The following SFRP2 variants were observed in gnomAD, a reference collection of about 807,000 sequenced individuals.
SFRP2 encodes secreted frizzled related protein 2.
Under a neutral mutation model 26.0 loss-of-function variants are expected in SFRP2, and 16 were observed. The ratio of observed to expected loss-of-function variants is 0.61; its 90% CI spans 0.42 to 0.93. The LOEUF is 0.93. Ranked by LOEUF, SFRP2 falls within the 40% of genes least tolerant of loss-of-function variation. SFRP2 has a pLI of 0.00. For synonymous variants in SFRP2, 173 were observed against 167.3 expected, an observed-to-expected ratio of 1.03 and a Z score of -0.26; for missense variants, 343 against 392.4, an observed-to-expected ratio of 0.87 and a Z score of 1.06.
At chr4:153,783,375 C>A (rs566358859) in intron 2 of SFRP2, among the ~76,000 whole-genome samples, 46 of 152,328 alleles carry the variant, frequency 3.0e-4, no homozygotes, top group African/African-American at 1.0e-3. Flanking sequence ...AAAACCATCA[C>A]TTTTAACCAG....
chr4:153,785,468 TG>T (rs1741187147), intron 2 of SFRP2, among the ~76,000 whole-genome samples: 1 of 140,150 alleles, frequency 7.1e-6, no homozygotes, highest in African/African-American at 2.6e-5. Context: ...TGAATCTGTT[TG>T]GCTGGGGCTA....
chr4:153,785,189 T>G (rs1159573224), intron 2 of SFRP2, among the ~76,000 whole-genome samples: 1 of 152,132 alleles, frequency 6.6e-6, no homozygotes, highest in African/African-American at 2.4e-5. Flanking sequence ...TTTTCGAAAC[T>G]GTGGCAAATG....
At chr4:153,787,253 A>T (rs2127184180) in intron 1 of SFRP2, among the ~76,000 whole-genome samples, 1 of 152,376 alleles carries the variant, frequency 6.6e-6, no homozygotes, top group Non-Finnish European at 1.5e-5. Flanking sequence ...TCTATGGTAC[A>T]TGTTGGACAA....
chr4:153,781,828 A>G, intron 2 of SFRP2, 73 bp from the exon 3 acceptor site: 1 of 1,318,876 alleles, frequency 7.6e-7, no homozygotes. Context: ...CATTCTGCCA[A>G]CTCGTGTGAC....
intron 2 of SFRP2, among the ~76,000 whole-genome samples, chr4:153,783,303 G>T (rs1741151618): frequency 6.6e-6 from 1 of 152,170 alleles, no homozygotes; most frequent in African/African-American, 2.4e-5. Context: ...TGTAGTACAG[G>T]TAGGGCATAT....
rs1327767525 is a variant in SFRP2, at chr4:153,788,946, C to T, written c.-111G>A. 3.8e-6 allele frequency: 5 copies of T among 1,316,754 alleles called. No homozygotes were observed. Among genetic ancestry groups the T allele is most frequent in the African/African-American group, 1.5e-5 (1 of 64,736 alleles). 81.6% of individuals were successfully genotyped at this position (1,316,754 alleles called of 1,614,324 possible). A position where few individuals can be genotyped will look rare whatever the true frequency, so the allele number is the denominator to read the frequency against. ...TCTCTTCGCTGGGTGCGACTCGGGGCCCCGAAAAGCTGGCAGCCGGCGGCT... is the reference window on the plus strand; with the variant it reads ...TCTCTTCGCTGGGTGCGACTCGGGGTCCCGAAAAGCTGGCAGCCGGCGGCT... On this transcript the variant is annotated 5_prime_UTR_variant, in exon 1 of 3. Transcript: ENST00000274063.
rs1433759732 is a variant in SFRP2 at position 153,788,975 on chromosome 4, G to T, written c.-140C>A. On this transcript the variant is annotated 5_prime_UTR_variant, in exon 1 of 3. Transcript: ENST00000274063. Reference sequence around the variant, plus strand: ...GAAAAGCTGGCAGCCGGCGGCTGGGGCGCGGAGAAGCGGGACACCGGGAGG... The same window carrying T: ...GAAAAGCTGGCAGCCGGCGGCTGGGTCGCGGAGAAGCGGGACACCGGGAGG... The T allele has an allele frequency of 3.7e-6, 4 of 1,067,498 alleles. No homozygotes were observed. In the African/African-American group the frequency reaches 5.0e-5, roughly 13 times the overall value. The allele number at this position is 1,067,498 out of a possible 1,614,324, so 66.1% of individuals were successfully genotyped here. A position where few individuals can be genotyped will look rare whatever the true frequency, so the allele number is the denominator to read the frequency against.
intron 2 of SFRP2, 128 bp from the exon 3 acceptor site, chr4:153,781,883 C>T: frequency 1.3e-6 from 1 of 789,042 alleles, no homozygotes; most frequent in South Asian, 1.7e-5. Context: ...CTAATGGGAC[C>T]CTCAGAGGCT....
chr4:153,788,562 T>C lies in SFRP2; in HGVS notation c.274A>G (p.Lys92Glu). 6.2e-7 allele frequency: 1 copy of C among 1,614,112 alleles called. No individual in the cohort carries two copies. Among genetic ancestry groups the C allele is most frequent in the Non-Finnish European group, 8.5e-7 (1 of 1,179,988 alleles). The change falls in exon 1 of 3, where the codon AAG (lysine) becomes GAG (glutamate). Residue 92 changes from lysine (K) to glutamate (E), a missense_variant. By Grantham distance (56) the Lys-to-Glu change is moderately conservative. Coordinates refer to ENST00000274063, the MANE Select transcript of SFRP2 (RefSeq NM_003013.3). ...LVMKQCHPDT[K>E]KFLCSLFAPV... is the part of the protein sequence containing the mutation. ...GCGAAGAGCGAGCACAGGAACTTCTTGGTGTCCGGGTGGCACTGCTTCATG... is the reference window on the plus strand; with the variant it reads ...GCGAAGAGCGAGCACAGGAACTTCTCGGTGTCCGGGTGGCACTGCTTCATG...
At chr4:153,787,073 G>T (rs1003397882) in intron 1 of SFRP2, among the ~76,000 whole-genome samples, 1 of 152,166 alleles carries the variant, frequency 6.6e-6, no homozygotes, top group African/African-American at 2.4e-5. Context: ...AAGGAGAAAA[G>T]TGGCTTTTTG....
rs1741111275 is a variant in SFRP2 at position 153,781,092 on chromosome 4, G to A, written c.*359C>T. The A allele has an allele frequency of 4.8e-6, 1 of 206,454 alleles. No homozygotes were observed. Among genetic ancestry groups the A allele is most frequent in the South Asian group, 1.2e-4 (1 of 8,290 alleles). 12.8% of individuals were successfully genotyped at this position (206,454 alleles called of 1,614,324 possible). A position where few individuals can be genotyped will look rare whatever the true frequency, so the allele number is the denominator to read the frequency against. On this transcript the variant is annotated 3_prime_UTR_variant, in exon 3 of 3. Transcript: ENST00000274063. ...CAACCTCAGTGGGAAGTGAAAATCAGCTGACTCAAAACAACAAACAACAAC... is the reference window on the plus strand; with the variant it reads ...CAACCTCAGTGGGAAGTGAAAATCAACTGACTCAAAACAACAAACAACAAC...
In SFRP2 at chr4:153,788,812, C is replaced by G. The variant is rs777193551; in HGVS notation, c.24G>C (p.Leu8=). 6.2e-6 allele frequency: 10 copies of G among 1,600,684 alleles called. No homozygotes were observed. Among genetic ancestry groups the G allele is most frequent in the Non-Finnish European group, 5.1e-6 (6 of 1,178,722 alleles). Residue 8 remains leucine, a synonymous_variant, in exon 1 of 3, where the codon CTG becomes CTC. Coordinates refer to ENST00000274063, the MANE Select transcript of SFRP2 (RefSeq NM_003013.3). ...AGTGCGAGGCGAGGAAGAGCAGCAG[C>G]AGCGAGCCAGGGCCCTGCAGCATCG... MLQGPGS[L]LLLFLASHCC... is the part of the protein sequence containing the mutation.
intron 1 of SFRP2, 85 bp from the exon 2 acceptor site, chr4:153,786,029 C>T (rs184253824): frequency 1.4e-6 from 1 of 720,422 alleles, no homozygotes; most frequent in East Asian, 3.1e-5. Flanking sequence ...AGGGACTTAT[C>T]CAGACAAAAG....
intron 2 of SFRP2, among the ~76,000 whole-genome samples, chr4:153,785,264 AAGGTTGTT>A (rs1485523231): frequency 6.6e-6 from 1 of 152,120 alleles, no homozygotes; most frequent in East Asian, 1.9e-4. Flanking sequence ...ATGGTGTTTT[AAGGTTGTT>A]AGGTGTTCCA....
chr4:153,784,431 C>T (rs1741168681), intron 2 of SFRP2, among the ~76,000 whole-genome samples: 2 of 152,230 alleles, frequency 1.3e-5, no homozygotes, highest in African/African-American at 4.8e-5. Context: ...TTTGTGGCTC[C>T]TCCTGAGGGG....
rs750639404 is a variant in SFRP2, at chr4:153,781,655, G to A, written c.684C>T (p.Ser228=). Reference sequence around the variant, plus strand: ...GCACCGATTTCTTCAGGTCCCTTTCGGACACACCGTTCAGCTTGTAAATGG... The same window carrying A: ...GCACCGATTTCTTCAGGTCCCTTTCAGACACACCGTTCAGCTTGTAAATGG... ...SKTIYKLNGV[S]ERDLKKSVLW... is the part of the protein sequence containing the mutation. Residue 228 remains serine (S), a synonymous_variant, in exon 3 of 3, where the codon TCC becomes TCT. Coordinates refer to ENST00000274063, the MANE Select transcript of SFRP2 (RefSeq NM_003013.3). The A allele has an allele frequency of 1.4e-5, 23 of 1,613,936 alleles. No homozygotes were observed. Among genetic ancestry groups the A allele is most frequent in the South Asian group, 6.6e-5 (6 of 91,052 alleles).
In SFRP2 at chr4:153,785,897, C is replaced by T. The variant is rs1165285468; in HGVS notation, c.550G>A (p.Asp184Asn). 68 of 1,602,752 alleles carry T rather than the reference C, an allele frequency of 4.2e-5. No homozygotes were observed. Among genetic ancestry groups the T allele is most frequent in the Non-Finnish European group, 5.3e-5 (62 of 1,175,006 alleles). The change falls in exon 2 of 3, where the codon GAC (aspartate) becomes AAC (asparagine). Residue 184 changes from aspartate (D) to asparagine (N), a missense_variant. Physicochemically the swap from Asp to Asn is conservative, Grantham distance 23. Transcript: ENST00000274063. ...TTTTTACAAAGCGTTTCCATTATGTCGTTGTCATCATCATTTTTATTTTTG... is the reference window on the plus strand; with the variant it reads ...TTTTTACAAAGCGTTTCCATTATGTTGTTGTCATCATCATTTTTATTTTTG... Reference protein sequence around the residue: ...ACKNKNDDDNDIMETLCKNDF... With the variant: ...ACKNKNDDDNNIMETLCKNDF...
At chr4:153,786,089 G>C (rs1368634842) in intron 1 of SFRP2, 145 bp from the exon 2 acceptor site, 5 of 466,836 alleles carry the variant, frequency 1.1e-5, no homozygotes, top group East Asian at 4.5e-5. Flanking sequence ...ATAAAAGCAG[G>C]AACACTCAAT....
Position 153,781,773 on chromosome 4 carries a change from A to G in SFRP2, c.584-18T>C, listed in dbSNP as rs1741125244. The stretch of plus-strand genomic sequence containing the variant: ...TTTCAGTGCTATGAGGGAGGGCAGA[A>G]AGAGTCATGCCAGTTATAATGAGGG... On this transcript the variant is annotated intron_variant, in intron 2 of 2. Coordinates refer to ENST00000274063, the MANE Select transcript of SFRP2 (RefSeq NM_003013.3). 2 of 1,605,332 alleles carry G rather than the reference A, an allele frequency of 1.2e-6. No homozygotes were observed. Among genetic ancestry groups the G allele is most frequent in the East Asian group, 4.5e-5 (2 of 44,802 alleles).
Sources: allele counts gnomAD v4.1 joint callset (sites outside exome capture counted in the v4.1 genomes callset), GRCh38; gene constraint gnomAD v4.1.1; transcripts MANE v1.5; gene names NCBI Gene and HGNC (gene_info 2026-07-23, HGNC 2026-07-21).